PRKAG2: variants seen among roughly 807,000 people sequenced by gnomAD.
The protein encoded by PRKAG2 is protein kinase AMP-activated non-catalytic subunit gamma 2, also known as 5'-AMP-activated protein kinase subunit gamma-2.
Under a neutral mutation model 69.6 loss-of-function variants are expected in PRKAG2, and 26 were observed. The observed-to-expected ratio is 0.37, with a 90% confidence interval of 0.27 to 0.52. The LOEUF (loss-of-function observed/expected upper bound fraction) is 0.52, where lower values mean the gene tolerates loss of function less well. Among genes scored for constraint, PRKAG2 ranks in the 20% least tolerant of loss-of-function variants. The pLI is 0.90. For missense variants in PRKAG2, 557 were observed against 740.0 expected, an observed-to-expected ratio of 0.75 and a Z score of 2.87; for synonymous variants, 293 against 285.0, an observed-to-expected ratio of 1.03 and a Z score of -0.28.
intron 6 of PRKAG2, among the ~76,000 whole-genome samples, chr7:151,589,771 T>C (rs1812608273): frequency 6.6e-6 from 1 of 152,088 alleles, no homozygotes; most frequent in Non-Finnish European, 1.5e-5. Flanking sequence ...CCATCTCTAC[T>C]AAAAATACAA....
At chr7:151,810,404 A>T (rs1042813003) in intron 1 of PRKAG2, 1 of 152,238 alleles carries the variant, frequency 6.6e-6, no homozygotes, top group Non-Finnish European at 1.5e-5. Context: ...TTCTCTCTCC[A>T]AGCACTAGCA....
intron 3 of PRKAG2, among the ~76,000 whole-genome samples, chr7:151,681,084 C>T (rs769461456): frequency 5.6e-4 from 85 of 152,290 alleles, no homozygotes; most frequent in African/African-American, 1.9e-3. Flanking sequence ...GCACAAACCA[C>T]GGTGTCCGCT....
rs1196938250 is a variant in PRKAG2 at position 151,850,746 on chromosome 7, T to C, written c.114+25761A>G. Among the ~76,000 whole-genome samples, 2 of 152,242 alleles carry C rather than the reference T, an allele frequency of 1.3e-5. No homozygotes were observed. The highest frequency in any genetic ancestry group is 2.9e-5 in the Non-Finnish European group (2 of 68,042). ...GGAGGAGTCAGAGGTGAGAGTCTGG[T>C]GCTCTGAGCGCTGCCTCGCAGTTGT... On this transcript the variant is annotated intron_variant, in intron 1 of 15. Coordinates refer to ENST00000287878, the MANE Select transcript of PRKAG2 (RefSeq NM_016203.4). The surrounding 1 kb of genome is among the most constrained non-coding windows in gnomAD (Gnocchi z 4.1).
At chr7:151,874,198 GA>G (rs2080306540) in intron 1 of PRKAG2, among the ~76,000 whole-genome samples, 1 of 114,850 alleles carries the variant, frequency 8.7e-6, no homozygotes, top group African/African-American at 3.7e-5. Flanking sequence ...ATATGTATAT[GA>G]TGTATATGTA....
intron 3 of PRKAG2, among the ~76,000 whole-genome samples, chr7:151,712,777 C>T (rs1795533908): frequency 6.6e-6 from 1 of 152,256 alleles, no homozygotes; most frequent in Non-Finnish European, 1.5e-5. Context: ...CAATCCTCTC[C>T]AGCCTCCATC....
chr7:151,616,425 A>C (rs577078425), intron 5 of PRKAG2, among the ~76,000 whole-genome samples: 10 of 152,344 alleles, frequency 6.6e-5, no homozygotes, highest in African/African-American at 2.2e-4. Context: ...AGTGGATAGG[A>C]AGCAGGACTG....
At position 151,632,151 on chromosome 7, in the gene PRKAG2, A is replaced by T. The variant is rs1203533792; in HGVS notation, c.685-13T>A. ...CCGCCAGCGCCGCCTGAGGGGGAGGAGGAGGACAGCGATCAGCATGAGCTG... is the reference window on the plus strand; with the variant it reads ...CCGCCAGCGCCGCCTGAGGGGGAGGTGGAGGACAGCGATCAGCATGAGCTG... On this transcript the variant is annotated splice_polypyrimidine_tract_variant and intron_variant, in intron 4 of 15. Transcript: ENST00000287878. The surrounding 1 kb of genome is among the most constrained non-coding windows in gnomAD (Gnocchi z 4.2). 2 of 1,385,784 alleles carry T rather than the reference A, an allele frequency of 1.4e-6. No individual in the cohort carries two copies. Among genetic ancestry groups the T allele is most frequent in the South Asian group, 1.5e-5 (1 of 67,402 alleles). The allele number at this position is 1,385,784 out of a possible 1,614,324, so 85.8% of individuals were successfully genotyped here.
At chr7:151,686,407 A>C (rs1198304507) in intron 3 of PRKAG2, among the ~76,000 whole-genome samples, 1 of 152,142 alleles carries the variant, frequency 6.6e-6, no homozygotes, top group Admixed American at 6.5e-5. Flanking sequence ...TGGAAGAGCA[A>C]ATTCCCTTCC....
intron 1 of PRKAG2, among the ~76,000 whole-genome samples, chr7:151,872,228 T>C (rs1221541812): frequency 6.6e-6 from 1 of 152,192 alleles, no homozygotes; most frequent in Non-Finnish European, 1.5e-5. Flanking sequence ...ACGTCCCACG[T>C]CTGCCCTTCT....
At chr7:151,745,556 C>T (rs2074227151) in intron 3 of PRKAG2, among the ~76,000 whole-genome samples, 1 of 152,140 alleles carries the variant, frequency 6.6e-6, no homozygotes, top group African/African-American at 2.4e-5. Context: ...GGAACTGGAG[C>T]CTGAGTCTCT....
rs77405270 is a variant in PRKAG2 at position 151,784,607 on chromosome 7, G to A, written c.186+1863C>T. 9.3e-4 allele frequency among the ~76,000 whole-genome samples: 141 copies of A among 152,268 alleles called. 1 individual carries two copies. The highest frequency in any genetic ancestry group is 3.3e-3 in the African/African-American group (139 of 41,548). ...GTTTGAAGCACAGAGACAGAGGGCC[G>A]GCCATTCACTTGGGCCACCATGAGG... On this transcript the variant is annotated intron_variant, in intron 2 of 15. Coordinates refer to ENST00000287878, the MANE Select transcript of PRKAG2 (RefSeq NM_016203.4).
intron 3 of PRKAG2, among the ~76,000 whole-genome samples, chr7:151,698,468 G>C (rs1837076531): frequency 6.6e-6 from 1 of 152,106 alleles, no homozygotes; most frequent in Non-Finnish European, 1.5e-5. Context: ...GGGTCATGGG[G>C]GCGAATGTCG....
chr7:151,758,801 G>T (rs1490012596), intron 3 of PRKAG2, among the ~76,000 whole-genome samples: 5 of 152,340 alleles, frequency 3.3e-5, no homozygotes, highest in African/African-American at 1.2e-4. Context: ...ACTGCAAAGA[G>T]ACTTAAAATA....
intron 3 of PRKAG2, among the ~76,000 whole-genome samples, chr7:151,769,067 G>C (rs956419283): frequency 6.6e-6 from 1 of 152,238 alleles, no homozygotes; most frequent in Non-Finnish European, 1.5e-5. Context: ...TTTTACCAAA[G>C]GGCTGTGTCA....
In PRKAG2 at chr7:151,835,922, C is replaced by T. The variant is rs1332295380; in HGVS notation, c.114+40585G>A. Among the ~76,000 whole-genome samples the T allele has an allele frequency of 6.6e-5, 10 of 152,158 alleles. No individual in the cohort carries two copies. The highest frequency in any genetic ancestry group is 1.2e-4 in the Non-Finnish European group (8 of 68,028). On this transcript the variant is annotated intron_variant, in intron 1 of 15. Coordinates refer to ENST00000287878, the MANE Select transcript of PRKAG2 (RefSeq NM_016203.4). This position sits in a 1 kb window ranked among gnomAD's most constrained non-coding sequence, Gnocchi z 4.1. ...AGTGGGGTGCAGCTCAGGGAGGCAT[C>T]GGAGATGGGGACTGTGACGAGGCCA...
At chr7:151,815,613 G>T (rs925255789) in intron 1 of PRKAG2, among the ~76,000 whole-genome samples, 1 of 152,152 alleles carries the variant, frequency 6.6e-6, no homozygotes, top group South Asian at 2.1e-4. Flanking sequence ...GCTTCCCCAC[G>T]TGGCAGTGGT....
At chr7:151,588,702 C>T (rs1188161092) in intron 6 of PRKAG2, among the ~76,000 whole-genome samples, 1 of 150,422 alleles carries the variant, frequency 6.6e-6, no homozygotes, top group African/African-American at 2.5e-5. Context: ...CACAAGCTCT[C>T]TCTGCTTGCC....
Position 151,593,981 on chromosome 7 carries a change from C to A in PRKAG2, c.864+1364G>T, listed in dbSNP as rs113642894. Among the ~76,000 whole-genome samples the A allele has an allele frequency of 8.1e-3, 1,232 of 152,326 alleles. 24 individuals carry two copies. The highest frequency in any genetic ancestry group is 0.031 in the Middle Eastern group (9 of 294). On this transcript the variant is annotated intron_variant, in intron 6 of 15. Coordinates refer to ENST00000287878, the MANE Select transcript of PRKAG2 (RefSeq NM_016203.4). ...TAAGGGGCTCCAAGAGCCCGGGGAG[C>A]CCTCTGAGGACGCACGGCAGGTGTG... is the stretch of plus-strand genomic sequence containing the variant.
intron 1 of PRKAG2, among the ~76,000 whole-genome samples, chr7:151,841,138 C>T (rs79183491): frequency 0.068 from 10,334 of 152,202 alleles, 766 homozygotes; most frequent in East Asian, 0.39. Flanking sequence ...CAGGTGCCTG[C>T]CACCACACCA....
Sources: allele counts gnomAD v4.1 joint callset (sites outside exome capture counted in the v4.1 genomes callset), GRCh38; gene constraint gnomAD v4.1.1; non-coding constraint Gnocchi (gnomAD v3.1); transcripts MANE v1.5; gene names NCBI Gene and HGNC (gene_info 2026-07-23, HGNC 2026-07-21).